Variants in NBAS observed in about 807,000 individuals in gnomAD.
NBAS encodes the protein NBAS subunit of NRZ tethering complex.
In NBAS, 219 loss-of-function variants were observed where a neutral mutation model predicts 302.5. The observed-to-expected ratio is 0.72, with a 90% CI of 0.65 to 0.81. NBAS has a LOEUF of 0.81. Ranked by LOEUF, NBAS falls within the 30% of genes least tolerant of loss-of-function variation. The pLI is 0.00. For missense variants in NBAS, 2,932 were observed against 2,841.6 expected (o/e 1.03, Z -0.72); for synonymous variants, 1,118 against 1,021.6 (o/e 1.09, Z -1.80).
chr2:15,156,950 T>C, the NBAS span, among the ~76,000 whole-genome samples: 5 of 152,156 alleles, frequency 3.3e-5, no homozygotes, highest in South Asian at 2.1e-4. Context: ...GAGAAAGCCA[T>C]AGGCATCCTC....
chr2:15,399,347 T>G (rs1383743176), intron 26 of NBAS, among the ~76,000 whole-genome samples: 1 of 152,142 alleles, frequency 6.6e-6, no homozygotes, highest in Admixed American at 6.5e-5. Context: ...CTTCTGCATC[T>G]CTTGTCACCC....
chr2:15,105,340 TG>T, the NBAS span, among the ~76,000 whole-genome samples: 5 of 152,040 alleles, frequency 3.3e-5, no homozygotes, highest in Admixed American at 1.3e-4. Context: ...TAAACCACCA[TG>T]GCATGTGTAT....
intron 49 of NBAS, among the ~76,000 whole-genome samples, chr2:15,188,296 A>C (rs1665181268): frequency 6.6e-6 from 1 of 152,238 alleles, no homozygotes; most frequent in Non-Finnish European, 1.5e-5. Flanking sequence ...CAAATGTCTT[A>C]AGTTGTAACC....
the NBAS span, among the ~76,000 whole-genome samples, chr2:15,100,768 C>T: frequency 6.6e-6 from 1 of 152,072 alleles, no homozygotes; most frequent in South Asian, 2.1e-4. Context: ...ATTCATGTAT[C>T]GAAGAGCATT....
At chr2:15,346,518 C>T (rs961038130) in intron 35 of NBAS, among the ~76,000 whole-genome samples, 3 of 152,028 alleles carry the variant, frequency 2.0e-5, no homozygotes, top group African/African-American at 7.2e-5. Flanking sequence ...GCTGGCAAGG[C>T]TGTGAAGAAA....
At chr2:15,527,409 A>G (rs1662961851) in intron 9 of NBAS, among the ~76,000 whole-genome samples, 1 of 152,080 alleles carries the variant, frequency 6.6e-6, no homozygotes, top group African/African-American at 2.4e-5. Context: ...ACAGAAACCT[A>G]TTTTCTCACA....
the NBAS span, among the ~76,000 whole-genome samples, chr2:15,013,221 G>A: frequency 5.5e-3 from 842 of 152,228 alleles, 10 homozygotes; most frequent in African/African-American, 0.019. Context: ...ACTCTTACAT[G>A]TGGAAGTGAA....
chr2:15,018,144 G>A, the NBAS span, among the ~76,000 whole-genome samples: 732 of 152,058 alleles, frequency 4.8e-3, 6 homozygotes, highest in African/African-American at 0.017. Context: ...GGGAAGGGTA[G>A]GGGGAAGAGG....
the NBAS span, among the ~76,000 whole-genome samples, chr2:14,994,629 G>A: frequency 2.6e-5 from 4 of 152,194 alleles, no homozygotes; most frequent in Admixed American, 6.5e-5. Flanking sequence ...CCCTCACTCT[G>A]AGAGGTCCAC....
the NBAS span, among the ~76,000 whole-genome samples, chr2:14,957,196 C>G: frequency 1.3e-5 from 2 of 152,032 alleles, no homozygotes; most frequent in Non-Finnish European, 2.9e-5. Flanking sequence ...CCAGAACCGA[C>G]CAAAAGAAAA....
At chr2:15,257,594 T>C (rs1668661504) in intron 44 of NBAS, among the ~76,000 whole-genome samples, 1 of 152,122 alleles carries the variant, frequency 6.6e-6, no homozygotes, top group African/African-American at 2.4e-5. Context: ...AGTTTCACCA[T>C]GTTGGCCTGA....
rs751275519 is a variant in NBAS, at chr2:15,234,532, C to T, written c.6146+13G>A. 9 of 1,612,620 alleles carry T rather than the reference C, an allele frequency of 5.6e-6. No individual in the cohort carries two copies. Among genetic ancestry groups the T allele is most frequent in the Non-Finnish European group, 7.6e-6 (9 of 1,179,856 alleles). ...CACCCCAGTTTTTCCACAATGACCA[C>T]TTTCTAGCTTACCTCAATGCAGAAA... On this transcript the variant is annotated intron_variant, in intron 46 of 51. Transcript: ENST00000281513.
Position 15,561,272 on chromosome 2 carries a change from A to C in NBAS, c.33T>G (p.Ser11Arg). Residue 11 changes from serine (S) to arginine (R), a missense_variant, in exon 1 of 52, where the codon AGT (serine) becomes AGG (arginine). By Grantham distance (110) the Ser-to-Arg change is moderately radical (BLOSUM62 -1). Transcript: ENST00000281513. ...CCTCCTCACCCTCTGCAGTGCCTGG[A>C]CTCAAAGCCGGCCCTGACTCGGGGG... is the stretch of plus-strand genomic sequence containing the variant. MAAPESGPAL[S>R]PGTAEGEEET... 6.2e-7 allele frequency: 1 copy of C among 1,613,622 alleles called. No homozygotes were observed.
the NBAS span, among the ~76,000 whole-genome samples, chr2:14,848,013 A>G: frequency 1.7e-3 from 263 of 152,372 alleles, no homozygotes; most frequent in African/African-American, 6.1e-3. Flanking sequence ...AAATTAAAAA[A>G]TATGCTCCTG....
At chr2:15,127,173 G>C in the NBAS span, among the ~76,000 whole-genome samples, 48 of 152,256 alleles carry the variant, frequency 3.2e-4, no homozygotes, top group South Asian at 3.7e-3. Context: ...TTTTGCACTG[G>C]ACTGCAAATT....
At chr2:15,004,338 G>T in the NBAS span, among the ~76,000 whole-genome samples, 15 of 152,116 alleles carry the variant, frequency 9.9e-5, no homozygotes, top group Admixed American at 1.3e-4. Context: ...CATTCAATTA[G>T]AATTAAGGAA....
At chr2:15,319,931 G>C (rs1671715148) in intron 38 of NBAS, among the ~76,000 whole-genome samples, 3 of 151,572 alleles carry the variant, frequency 2.0e-5, no homozygotes, top group African/African-American at 7.3e-5. Flanking sequence ...GCCTGGCAGA[G>C]ACACAACAAA....
the NBAS span, among the ~76,000 whole-genome samples, chr2:14,969,645 G>A: frequency 1.3e-5 from 2 of 152,114 alleles, no homozygotes; most frequent in South Asian, 4.2e-4. Context: ...CCAAAGTGCT[G>A]GGATTATAGG....
At chr2:15,187,376 G>T (rs1665138899) in intron 49 of NBAS, among the ~76,000 whole-genome samples, 1 of 151,996 alleles carries the variant, frequency 6.6e-6, no homozygotes, top group African/African-American at 2.4e-5. Context: ...GCCTCTTGTT[G>T]ATATTATTAC....
Sources: gnomAD v4.1 joint callset for allele counts (sites outside exome capture counted in the v4.1 genomes callset) on GRCh38, gnomAD v4.1.1 for gene constraint, MANE v1.5 for transcripts, NCBI Gene and HGNC (gene_info 2026-07-23, HGNC 2026-07-21) for gene names.